EML1: variants seen among roughly 807,000 people sequenced by gnomAD.
EML1 encodes EMAP like 1, also known as echinoderm microtubule-associated protein-like 1.
Under a neutral mutation model 110.4 loss-of-function variants are expected in EML1, and 27 were observed. The ratio of observed to expected loss-of-function variants is 0.24; its 90% CI spans 0.18 to 0.34. The LOEUF is 0.34. Among genes scored for constraint, EML1 ranks in the 10% least tolerant of loss-of-function variants. The pLI, the probability that EML1 is intolerant of heterozygous loss-of-function variation, is 1.00. For synonymous variants in EML1, 344 were observed against 385.8 expected, an observed-to-expected ratio of 0.89 and a Z score of 1.27; for missense variants, 741 against 1,030.9, an observed-to-expected ratio of 0.72 and a Z score of 3.85.
chr14:99,891,299 T>C, intron 5 of EML1, 72 bp downstream of exon 5: 1 of 1,596,670 alleles, frequency 6.3e-7, no homozygotes, highest in Non-Finnish European at 8.6e-7. Context: ...AGAAAAGAAG[T>C]AGCCAGCTTC....
chr14:99,875,815 A>T (rs1490680797), intron 3 of EML1, among the ~76,000 whole-genome samples: 1 of 152,196 alleles, frequency 6.6e-6, no homozygotes, highest in East Asian at 1.9e-4. Flanking sequence ...CTTTAATCCC[A>T]AATTTCAGAA....
intron 4 of EML1, among the ~76,000 whole-genome samples, chr14:99,882,512 G>A (rs1344987138): frequency 6.6e-6 from 1 of 152,154 alleles, no homozygotes; most frequent in Non-Finnish European, 1.5e-5. Flanking sequence ...TCATGTGCTA[G>A]AAACTTTGTT....
At chr14:99,825,731 A>C (rs900178821) in intron 1 of EML1, among the ~76,000 whole-genome samples, 1 of 152,228 alleles carries the variant, frequency 6.6e-6, no homozygotes. Context: ...TACTGAGTTC[A>C]TAACTAGCCC....
rs2059331064 is a variant in EML1 at position 99,878,483 on chromosome 14, AG to A, written c.384-1del. 6.2e-7 allele frequency: 1 copy of A among 1,609,418 alleles called. No homozygotes were observed. Reference sequence around the variant, plus strand: ...TCACTGTCACTTCCATTCCACCCTTAGTAACATCAAGAGGACCAGCTCTTCT... The same window carrying A: ...TCACTGTCACTTCCATTCCACCCTTATAACATCAAGAGGACCAGCTCTTCT... On this transcript the variant is annotated splice_acceptor_variant, in intron 3 of 21. Coordinates refer to ENST00000262233, the MANE Select transcript of EML1 (RefSeq NM_004434.3). LOFTEE classifies it high-confidence loss of function.
intron 1 of EML1, among the ~76,000 whole-genome samples, chr14:99,778,341 T>C (rs1030283996): frequency 6.6e-6 from 1 of 152,260 alleles, no homozygotes; most frequent in African/African-American, 2.4e-5. Context: ...TTTTTGTTTT[T>C]CCTGTAGTAA....
chr14:99,829,570 T>C (rs190276681), intron 1 of EML1, among the ~76,000 whole-genome samples: 1 of 152,240 alleles, frequency 6.6e-6, no homozygotes, highest in Non-Finnish European at 1.5e-5. Flanking sequence ...ACTCTCTACT[T>C]CAAAAATTTT....
intron 1 of EML1, among the ~76,000 whole-genome samples, chr14:99,755,205 TC>T (rs1235882432): frequency 6.6e-6 from 1 of 152,198 alleles, no homozygotes; most frequent in Non-Finnish European, 1.5e-5. Context: ...GCATGCAGCT[TC>T]CAGGCACCCA....
chr14:99,823,043 G>T (rs780556555), intron 1 of EML1, among the ~76,000 whole-genome samples: 135 of 152,186 alleles, frequency 8.9e-4, no homozygotes, highest in Admixed American at 1.4e-3. Flanking sequence ...CCTAAGCGCC[G>T]GGCCCTACAG....
chr14:99,753,254 T>C (rs1045566008), intron 1 of EML1, among the ~76,000 whole-genome samples: 1 of 136,842 alleles, frequency 7.3e-6, no homozygotes, highest in Non-Finnish European at 1.6e-5. Context: ...GAGGGGCATT[T>C]CATCTCCACC....
At chr14:99,937,984 C>T (rs927209836) in intron 20 of EML1, 72 bp downstream of exon 20, 12 of 1,479,962 alleles carry the variant, frequency 8.1e-6, no homozygotes, top group South Asian at 3.4e-5. Context: ...TCAGTTGCTA[C>T]GGAGTCTCAT....
In EML1 at chr14:99,837,667, C is replaced by T. The variant is rs181029501; in HGVS notation, c.68-13186C>T. 8.1e-4 allele frequency among the ~76,000 whole-genome samples: 124 copies of T among 152,242 alleles called. 1 individual carries two copies. Among genetic ancestry groups the T allele is most frequent in the African/African-American group, 2.7e-3 (111 of 41,532 alleles). ...TAGGTATTTTAGTATCTTCCATAGC[C>T]GAACATATCTATTGTTTTGTCCTGA... On this transcript the variant is annotated intron_variant, in intron 1 of 21. Coordinates refer to ENST00000262233, the MANE Select transcript of EML1 (RefSeq NM_004434.3).
chr14:99,828,414 A>G (rs1290021797), intron 1 of EML1, among the ~76,000 whole-genome samples: 2 of 152,222 alleles, frequency 1.3e-5, no homozygotes, highest in South Asian at 2.1e-4. Context: ...TCAAATGACT[A>G]TCATGGTATC....
intron 19 of EML1, 148 bp from the exon 20 acceptor site, chr14:99,937,669 C>T (rs939980140): frequency 1.3e-5 from 8 of 637,164 alleles, no homozygotes; most frequent in Non-Finnish European, 1.9e-5. Context: ...TCTGTGCACA[C>T]GTGGTTCCTG....
chr14:99,919,340 A>G (rs2060087548), intron 16 of EML1, among the ~76,000 whole-genome samples: 1 of 151,926 alleles, frequency 6.6e-6, no homozygotes, highest in African/African-American at 2.4e-5. Context: ...AGGTAGCAAT[A>G]TCTTAAGTAT....
At chr14:99,805,052 T>C (rs747762652) in intron 1 of EML1, among the ~76,000 whole-genome samples, 1 of 152,142 alleles carries the variant, frequency 6.6e-6, no homozygotes, top group African/African-American at 2.4e-5. Flanking sequence ...TACCCCTTCT[T>C]CACGGAGCCG....
chr14:99,754,531 G>A (rs1454822673), intron 1 of EML1, among the ~76,000 whole-genome samples: 1 of 152,246 alleles, frequency 6.6e-6, no homozygotes, highest in Non-Finnish European at 1.5e-5. Context: ...CACTTTGGTG[G>A]TCTTGAATTT....
chr14:99,857,898 G>T (rs1260559698), intron 2 of EML1, among the ~76,000 whole-genome samples: 1 of 152,044 alleles, frequency 6.6e-6, no homozygotes, highest in African/African-American at 2.4e-5. Flanking sequence ...CTATTATATT[G>T]AATTTTTAAT....
chr14:99,890,152 G>A (rs550655371), intron 4 of EML1, among the ~76,000 whole-genome samples: 3 of 152,160 alleles, frequency 2.0e-5, no homozygotes, highest in South Asian at 4.1e-4. Flanking sequence ...CACACAAAAT[G>A]CATATGTAAT....
chr14:99,891,345 G>A, intron 5 of EML1, 118 bp downstream of exon 5: 8 of 1,301,334 alleles, frequency 6.1e-6, no homozygotes, highest in Non-Finnish European at 8.7e-6. Flanking sequence ...GCTTTGGTTT[G>A]TGCAGGCCCA....
Sources: gnomAD v4.1 joint callset for allele counts (sites outside exome capture counted in the v4.1 genomes callset) on GRCh38, gnomAD v4.1.1 for gene constraint, MANE v1.5 for transcripts, NCBI Gene and HGNC (gene_info 2026-07-23, HGNC 2026-07-21) for gene names.